The following TMCO4 variants were observed in gnomAD, a reference collection of about 807,000 sequenced individuals.
The protein encoded by TMCO4 is transmembrane and coiled-coil domain-containing protein 4.
In TMCO4, 58 loss-of-function variants were observed where a neutral mutation model predicts 64.7. The observed-to-expected ratio is 0.90, with a 90% CI of 0.73 to 1.12. TMCO4 has a LOEUF of 1.12. TMCO4 is among the 50% of genes most tolerant of loss of function. TMCO4 has a pLI of 0.00. For missense variants in TMCO4, 780 were observed against 825.9 expected (o/e 0.94, Z 0.68); for synonymous variants, 325 against 346.1 (o/e 0.94, Z 0.68).
rs1043247326 is a variant in TMCO4, at chr1:19,734,689, C to T, written c.1264+2683G>A. ...GAGCCCCGCCTTTGCCCATGCTGGC[C>T]GACCCTCTGGAATGCCCTGCCCTAG... On this transcript the variant is annotated intron_variant, in intron 13 of 15. Coordinates refer to ENST00000294543, the MANE Select transcript of TMCO4 (RefSeq NM_181719.7). The surrounding 1 kb of genome is among the most constrained non-coding windows in gnomAD (Gnocchi z 4.4). Among the ~76,000 whole-genome samples, 1 of 152,110 alleles carries T rather than the reference C, an allele frequency of 6.6e-6. No homozygotes were observed. Among genetic ancestry groups the T allele is most frequent in the Non-Finnish European group, 1.5e-5 (1 of 68,030 alleles).
chr1:19,716,152 A>AT (rs2095354715), intron 13 of TMCO4, among the ~76,000 whole-genome samples: 2 of 127,394 alleles, frequency 1.6e-5, no homozygotes, highest in Admixed American at 8.3e-5. Context: ...CCTCTTCTCT[A>AT]TTTTATTTTT....
At chr1:19,759,376 A>T (rs968292535) in intron 6 of TMCO4, among the ~76,000 whole-genome samples, 2 of 152,198 alleles carry the variant, frequency 1.3e-5, no homozygotes, top group Non-Finnish European at 2.9e-5. Context: ...GCCAAACAGC[A>T]GCCACTGAGC....
intron 13 of TMCO4, among the ~76,000 whole-genome samples, chr1:19,723,342 T>C (rs1266830395): frequency 1.3e-5 from 2 of 152,212 alleles, no homozygotes; most frequent in Non-Finnish European, 2.9e-5. Flanking sequence ...TAGTCTCTTC[T>C]TTGTCTTCCT....
intron 6 of TMCO4, among the ~76,000 whole-genome samples, chr1:19,767,890 G>A (rs771654421): frequency 1.3e-5 from 2 of 152,034 alleles, no homozygotes; most frequent in African/African-American, 4.8e-5. Flanking sequence ...TCAGGAGTTC[G>A]AGACCAGCCT....
In TMCO4 at chr1:19,772,859, C is replaced by A. The variant is rs149472237; in HGVS notation, c.180-1377G>T. On this transcript the variant is annotated intron_variant, in intron 4 of 15. Coordinates refer to ENST00000294543, the MANE Select transcript of TMCO4 (RefSeq NM_181719.7). ...GCTATCACATTCCTTAGAGTGGGAC[C>A]GAGACCTTGATGGGAGTTGTGAGGA... Among the ~76,000 whole-genome samples the A allele has an allele frequency of 2.1e-3, 314 of 152,258 alleles. 2 individuals are homozygous for A. The highest frequency in any genetic ancestry group is 6.3e-3 in the African/African-American group (263 of 41,552).
intron 7 of TMCO4, among the ~76,000 whole-genome samples, chr1:19,748,720 G>A (rs1188319048): frequency 6.6e-6 from 1 of 152,170 alleles, no homozygotes; most frequent in African/African-American, 2.4e-5. Context: ...AGCTACTCAG[G>A]AGGCTGAGGC....
intron 1 of TMCO4, among the ~76,000 whole-genome samples, chr1:19,798,678 C>A (rs982473974): frequency 5.3e-5 from 8 of 152,216 alleles, no homozygotes; most frequent in Non-Finnish European, 1.0e-4. Context: ...CTTCTGCTGT[C>A]TTCATGTACT....
At chr1:19,724,585 A>T (rs1326123512) in intron 13 of TMCO4, among the ~76,000 whole-genome samples, 1 of 152,212 alleles carries the variant, frequency 6.6e-6, no homozygotes, top group Non-Finnish European at 1.5e-5. Flanking sequence ...GTGTTCAATA[A>T]ATGGTAGTTA....
At chr1:19,721,013 G>A (rs890352138) in intron 13 of TMCO4, among the ~76,000 whole-genome samples, 1 of 152,154 alleles carries the variant, frequency 6.6e-6, no homozygotes, top group Admixed American at 6.5e-5. Flanking sequence ...TAACATGTAA[G>A]TTAATGAGAC....
chr1:19,758,712 G>A (rs1421235882), intron 6 of TMCO4, among the ~76,000 whole-genome samples: 1 of 152,092 alleles, frequency 6.6e-6, no homozygotes, highest in Non-Finnish European at 1.5e-5. Context: ...AGAGTCCTGG[G>A]CTACCCAGGA....
At chr1:19,769,877 G>A (rs1240731669) in intron 6 of TMCO4, among the ~76,000 whole-genome samples, 1 of 119,260 alleles carries the variant, frequency 8.4e-6, no homozygotes, top group African/African-American at 3.1e-5. Context: ...ACCAGTGTGG[G>A]GGCCGGGGAT....
At chr1:19,715,366 C>T (rs1165353867) in intron 13 of TMCO4, among the ~76,000 whole-genome samples, 1 of 152,174 alleles carries the variant, frequency 6.6e-6, no homozygotes, top group Non-Finnish European at 1.5e-5. Flanking sequence ...ACCTCAGCCT[C>T]CCAAGTTGCT....
chr1:19,785,377 G>C (rs774650091), intron 3 of TMCO4, among the ~76,000 whole-genome samples: 143 of 150,816 alleles, frequency 9.5e-4, no homozygotes, highest in Non-Finnish European at 1.8e-3. Context: ...TGTTTCTTTT[G>C]TTTTGTTTTG....
intron 15 of TMCO4, among the ~76,000 whole-genome samples, chr1:19,693,669 A>T (rs2095215251): frequency 6.6e-6 from 1 of 151,988 alleles, no homozygotes; most frequent in African/African-American, 2.4e-5. Flanking sequence ...GCCCCTAGAG[A>T]CTGATGTAGA....
intron 13 of TMCO4, among the ~76,000 whole-genome samples, chr1:19,705,718 G>A (rs1328186764): frequency 6.6e-6 from 1 of 151,914 alleles, no homozygotes; most frequent in East Asian, 1.9e-4. Flanking sequence ...TCCTAGAACG[G>A]GATGGTGTAG....
At chr1:19,725,810 T>G (rs2095406347) in intron 13 of TMCO4, among the ~76,000 whole-genome samples, 2 of 152,176 alleles carry the variant, frequency 1.3e-5, no homozygotes, top group South Asian at 4.1e-4. Context: ...TGTGTGTGTG[T>G]GCCAGCCGAT....
chr1:19,774,220 G>C (rs2043109961), intron 4 of TMCO4, among the ~76,000 whole-genome samples: 1 of 152,206 alleles, frequency 6.6e-6, no homozygotes, highest in African/African-American at 2.4e-5. Context: ...TATACAGAAA[G>C]GGCTCAGGGC....
chr1:19,778,311 T>C (rs140266889), intron 4 of TMCO4, among the ~76,000 whole-genome samples: 6,655 of 152,096 alleles, frequency 0.044, 489 homozygotes, highest in African/African-American at 0.15. Context: ...TCTTGCTCTG[T>C]TGCCCAGGCT....
chr1:19,749,526 C>T (rs2041935554), intron 7 of TMCO4, among the ~76,000 whole-genome samples: 1 of 152,110 alleles, frequency 6.6e-6, no homozygotes, highest in Admixed American at 6.5e-5. Flanking sequence ...CACCACCACG[C>T]TTGGGTAATT....
Sources: gnomAD v4.1 joint callset for allele counts (sites outside exome capture counted in the v4.1 genomes callset) on GRCh38, gnomAD v4.1.1 for gene constraint, Gnocchi (gnomAD v3.1) non-coding constraint, MANE v1.5 for transcripts, NCBI Gene and HGNC (gene_info 2026-07-23, HGNC 2026-07-21) for gene names.